The following SV2C variants were observed in gnomAD, a reference collection of about 807,000 sequenced individuals.
SV2C encodes the protein synaptic vesicle glycoprotein 2C.
In SV2C, 49 loss-of-function variants were observed where a neutral mutation model predicts 79.7. The observed-to-expected ratio is 0.61, with a 90% CI of 0.49 to 0.78. The LOEUF (loss-of-function observed/expected upper bound fraction) is 0.78, where lower values mean the gene tolerates loss of function less well. Ranked by LOEUF, SV2C falls within the 30% of genes least tolerant of loss-of-function variation. SV2C has a pLI of 0.00. For synonymous variants in SV2C, 334 were observed against 333.2 expected (o/e 1.00, Z -0.03); for missense variants, 833 against 912.9 (o/e 0.91, Z 1.13).
At chr5:75,904,285 A>T in the SV2C span, among the ~76,000 whole-genome samples, 1 of 152,122 alleles carries the variant, frequency 6.6e-6, no homozygotes, top group South Asian at 2.1e-4. Context: ...AGGCAAAAAG[A>T]ACCAGCTCAC....
intron 4 of SV2C, chr5:76,242,291 G>C (rs1295257484): frequency 1.1e-5 from 15 of 1,424,202 alleles, no homozygotes; most frequent in Non-Finnish European, 1.4e-5. Context: ...CTTTCTCTTG[G>C]GCATGGTGGC....
chr5:76,016,703 T>C, the SV2C span, among the ~76,000 whole-genome samples: 2 of 152,170 alleles, frequency 1.3e-5, 1 homozygote, highest in Non-Finnish European at 2.9e-5. Context: ...CTGCAGAAAG[T>C]AACATAAAGC....
chr5:76,107,446 G>A (rs1747955270), intron 1 of SV2C, among the ~76,000 whole-genome samples: 1 of 152,154 alleles, frequency 6.6e-6, no homozygotes, highest in African/African-American at 2.4e-5. Flanking sequence ...ATGCATTTAT[G>A]TATAATAAGA....
At chr5:75,851,614 T>C in the SV2C span, among the ~76,000 whole-genome samples, 2 of 151,970 alleles carry the variant, frequency 1.3e-5, no homozygotes, top group African/African-American at 2.4e-5. Flanking sequence ...AGCAGTATGC[T>C]GTGGCAACTT....
chr5:75,985,344 T>C, the SV2C span, among the ~76,000 whole-genome samples: 9 of 152,022 alleles, frequency 5.9e-5, no homozygotes, highest in East Asian at 1.7e-3. Flanking sequence ...CTCCCAACAC[T>C]GCTGCATTGG....
At chr5:76,004,461 A>G in the SV2C span, among the ~76,000 whole-genome samples, 1 of 152,184 alleles carries the variant, frequency 6.6e-6, no homozygotes, top group Non-Finnish European at 1.5e-5. Context: ...AGGTGTATAA[A>G]GCATATAGAC....
At chr5:76,285,905 G>C (rs1446466476) in intron 6 of SV2C, 35 bp downstream of exon 6, 1 of 1,573,128 alleles carries the variant, frequency 6.4e-7, no homozygotes, top group African/African-American at 1.4e-5. Context: ...TCAACACCAG[G>C]GATTGGGACA....
chr5:75,940,558 C>A, the SV2C span, among the ~76,000 whole-genome samples: 9 of 152,258 alleles, frequency 5.9e-5, no homozygotes, highest in African/African-American at 1.7e-4. Flanking sequence ...GCACAATTCA[C>A]AAAGACTCTA....
At chr5:75,930,311 T>A in the SV2C span, among the ~76,000 whole-genome samples, 3 of 152,218 alleles carry the variant, frequency 2.0e-5, no homozygotes, top group Non-Finnish European at 2.9e-5. Context: ...TGCTTCCTCA[T>A]ATTATTCTGG....
At chr5:76,202,245 C>G (rs1744472993) in intron 3 of SV2C, among the ~76,000 whole-genome samples, 1 of 152,126 alleles carries the variant, frequency 6.6e-6, no homozygotes, top group Admixed American at 6.5e-5. Context: ...CTCTATAGTG[C>G]TTGCCGCGTG....
chr5:75,917,495 T>C, the SV2C span, among the ~76,000 whole-genome samples: 6 of 152,216 alleles, frequency 3.9e-5, no homozygotes, highest in Admixed American at 6.5e-5. Flanking sequence ...TAATAATCTA[T>C]GTAAATCTCA....
intron 8 of SV2C, among the ~76,000 whole-genome samples, chr5:76,292,582 G>A (rs1377188120): frequency 1.3e-5 from 2 of 152,104 alleles, no homozygotes. Flanking sequence ...GGAAGCTTAA[G>A]AGTGTTATAA....
At chr5:76,276,986 G>T (rs1747043448) in intron 4 of SV2C, among the ~76,000 whole-genome samples, 1 of 152,042 alleles carries the variant, frequency 6.6e-6, no homozygotes, top group Admixed American at 6.6e-5. Context: ...AGGAATGAAT[G>T]AACAAAAAGT....
chr5:76,221,973 T>C (rs1329683469), intron 4 of SV2C, among the ~76,000 whole-genome samples: 1 of 152,194 alleles, frequency 6.6e-6, no homozygotes, highest in Non-Finnish European at 1.5e-5. Context: ...GAATAAATCG[T>C]GAATACATTT....
At chr5:75,877,238 T>C in the SV2C span, among the ~76,000 whole-genome samples, 9 of 152,042 alleles carry the variant, frequency 5.9e-5, no homozygotes, top group Non-Finnish European at 1.0e-4. Flanking sequence ...CCATCAGCAA[T>C]ATATGATAAT....
chr5:76,335,810 C>T (rs942210613), downstream of SV2C, among the ~76,000 whole-genome samples: 3 of 152,088 alleles, frequency 2.0e-5, no homozygotes, highest in Non-Finnish European at 4.4e-5. Context: ...AAAAGTCTCC[C>T]GTGTCTACCT....
At chr5:76,128,501 G>T (rs1748782248) in intron 1 of SV2C, among the ~76,000 whole-genome samples, 2 of 152,336 alleles carry the variant, frequency 1.3e-5, no homozygotes, top group South Asian at 4.1e-4. Context: ...GGCAGATGAA[G>T]ATAAGGGGTA....
chr5:75,922,715 C>T, the SV2C span, among the ~76,000 whole-genome samples: 1 of 152,096 alleles, frequency 6.6e-6, no homozygotes, highest in Non-Finnish European at 1.5e-5. Context: ...GACCTAAGTC[C>T]AAAGATCACT....
the SV2C span, among the ~76,000 whole-genome samples, chr5:75,851,083 G>C: frequency 6.6e-6 from 1 of 152,132 alleles, no homozygotes; most frequent in Non-Finnish European, 1.5e-5. Context: ...GAATTTAATC[G>C]TTAAATCCCA....
Sources: allele counts gnomAD v4.1 joint callset (sites outside exome capture counted in the v4.1 genomes callset), GRCh38; gene constraint gnomAD v4.1.1; transcripts MANE v1.5; gene names NCBI Gene and HGNC (gene_info 2026-07-23, HGNC 2026-07-21).